TNFRSF10D: variants seen among roughly 807,000 people sequenced by gnomAD.
TNFRSF10D encodes tumor necrosis factor receptor superfamily member 10D.
In TNFRSF10D, 28 loss-of-function variants were observed where a neutral mutation model predicts 42.1. That is an observed-to-expected ratio of 0.66 (90% CI 0.49 to 0.91). The LOEUF is 0.91. TNFRSF10D is among the 40% of genes least tolerant of loss of function. TNFRSF10D has a pLI of 0.00. For missense variants in TNFRSF10D, 503 were observed against 486.1 expected, an observed-to-expected ratio of 1.03 and a Z score of -0.33; for synonymous variants, 186 against 189.4, an observed-to-expected ratio of 0.98 and a Z score of 0.15.
In TNFRSF10D at chr8:23,137,924, G is replaced by C; in HGVS notation, c.1107C>G (p.Ser369=). ...CATCTTCTTCATAAAAGAGCTTTTC[G>C]GAGCCCACCAGTTGGTCCTGAATTG... ...KETIQDQLVG[S]EKLFYEEDEA... The change falls in exon 9 of 9, where the codon TCC becomes TCG. Residue 369 remains serine (S), a synonymous_variant. Coordinates refer to ENST00000312584, the MANE Select transcript of TNFRSF10D (RefSeq NM_003840.5). The C allele has an allele frequency of 6.2e-7, 1 of 1,614,148 alleles. No homozygotes were observed. The highest frequency in any genetic ancestry group is 8.5e-7 in the Non-Finnish European group (1 of 1,180,034).
intron 7 of TNFRSF10D, among the ~76,000 whole-genome samples, chr8:23,139,377 C>T (rs186997984): frequency 1.2e-4 from 18 of 152,182 alleles, no homozygotes; most frequent in East Asian, 3.9e-4. Context: ...ATTGATAAAA[C>T]GGCAACTGAG....
intron 1 of TNFRSF10D, among the ~76,000 whole-genome samples, chr8:23,158,749 T>C (rs1238630902): frequency 6.6e-6 from 1 of 152,236 alleles, no homozygotes; most frequent in Non-Finnish European, 1.5e-5. Context: ...CTATAGGGAA[T>C]ACAGTATACA....
In TNFRSF10D at chr8:23,136,011, C is replaced by T. The variant is rs1455123627; in HGVS notation, c.*1859G>A. The T allele has an allele frequency of 4.7e-6, 2 of 428,306 alleles. No individual in the cohort carries two copies. The highest frequency in any genetic ancestry group is 9.3e-6 in the Non-Finnish European group (2 of 214,592). The allele number at this position is 428,306 out of a possible 1,614,324, so 26.5% of individuals were successfully genotyped here. A position where few individuals can be genotyped will look rare whatever the true frequency, so the allele number is the denominator to read the frequency against. ...AGTGCGAAGACCGGAAAGGCCATCC[C>T]CTCCTAAAACTCCATGGACACAACA... On this transcript the variant is annotated 3_prime_UTR_variant, in exon 9 of 9. Coordinates refer to ENST00000312584, the MANE Select transcript of TNFRSF10D (RefSeq NM_003840.5).
At position 23,136,682 on chromosome 8, in the gene TNFRSF10D, A is replaced by G. The variant is rs1310794143; in HGVS notation, c.*1188T>C. On this transcript the variant is annotated 3_prime_UTR_variant, in exon 9 of 9. Transcript: ENST00000312584. ...TCCTCATCTGCTGTGGACAAGTCGG[A>G]AGATGCAGTCCCATGACTGTCCCAG... 2 of 152,240 alleles carry G rather than the reference A, an allele frequency of 1.3e-5. No individual in the cohort carries two copies. Among genetic ancestry groups the G allele is most frequent in the Admixed American group, 6.5e-5 (1 of 15,272 alleles). The allele number at this position is 152,240 out of a possible 1,614,324, so 9.4% of individuals were successfully genotyped here.
At chr8:23,156,075 C>T (rs1288995867) in intron 1 of TNFRSF10D, among the ~76,000 whole-genome samples, 5 of 152,008 alleles carry the variant, frequency 3.3e-5, no homozygotes, top group Non-Finnish European at 5.9e-5. Context: ...ACTGGAGAAT[C>T]GGAATAGAGT....
chr8:23,149,562 A>C (rs1563358936), intron 2 of TNFRSF10D, among the ~76,000 whole-genome samples: 1 of 150,792 alleles, frequency 6.6e-6, no homozygotes, highest in Admixed American at 6.6e-5. Context: ...TTTTTTTTTA[A>C]CAATAAAATA....
At chr8:23,161,089 C>T (rs1165514080) in intron 1 of TNFRSF10D, among the ~76,000 whole-genome samples, 1 of 152,254 alleles carries the variant, frequency 6.6e-6, no homozygotes, top group East Asian at 1.9e-4. Flanking sequence ...GGATCCAGTC[C>T]GGAGTGACTG....
Position 23,136,301 on chromosome 8 carries a change from AAG to A in TNFRSF10D, c.*1567_*1568del. On this transcript the variant is annotated 3_prime_UTR_variant, in exon 9 of 9. Transcript: ENST00000312584. The stretch of plus-strand genomic sequence containing the variant: ...TTTAGATCCTGTTGTCACAGTGTTT[AAG>A]AATTGATATCTCTGAGATGAGTCAG... 1 of 230,602 alleles carries A rather than the reference AAG, an allele frequency of 4.3e-6. No individual in the cohort carries two copies. Among genetic ancestry groups the A allele is most frequent in the Admixed American group, 5.2e-5 (1 of 19,112 alleles). 14.3% of individuals were successfully genotyped at this position (230,602 alleles called of 1,614,324 possible).
rs867990441 is a variant in TNFRSF10D at position 23,163,826 on chromosome 8, A to T, written c.110T>A (p.Ile37Asn). 4.7e-5 allele frequency: 75 copies of T among 1,608,496 alleles called. No individual in the cohort carries two copies. The highest frequency in any genetic ancestry group is 6.4e-5 in the Non-Finnish European group (75 of 1,178,436). The change falls in exon 1 of 9, where the codon ATC becomes AAC. Residue 37 changes from isoleucine (I) to asparagine (N), a missense_variant. Coordinates refer to ENST00000312584, the MANE Select transcript of TNFRSF10D (RefSeq NM_003840.5). The part of the protein sequence containing the change: ...GTRPWLLDPK[I>N]LKFVVFIVAV... Reference sequence around the variant, plus strand: ...GACGATGAAGACGACGAACTTAAGGATCTTGGGGTCCAGGAGCCATGGTCT... The same window carrying T: ...GACGATGAAGACGACGAACTTAAGGTTCTTGGGGTCCAGGAGCCATGGTCT...
intron 1 of TNFRSF10D, among the ~76,000 whole-genome samples, chr8:23,163,310 C>T (rs1173014456): frequency 1.3e-5 from 2 of 152,074 alleles, no homozygotes; most frequent in Non-Finnish European, 2.9e-5. Context: ...ACCATGGTGG[C>T]TAGGCTGGTC....
intron 2 of TNFRSF10D, among the ~76,000 whole-genome samples, chr8:23,150,902 C>T (rs1402604745): frequency 1.3e-5 from 2 of 151,770 alleles, no homozygotes; most frequent in East Asian, 3.9e-4. Context: ...GGAAGAAAGC[C>T]AACAGTACCA....
chr8:23,157,546 T>C (rs1158756608), intron 1 of TNFRSF10D, among the ~76,000 whole-genome samples: 1 of 152,230 alleles, frequency 6.6e-6, no homozygotes, highest in African/African-American at 2.4e-5. Flanking sequence ...GCTCTTTAAA[T>C]GTCAGTTAAG....
Position 23,147,041 on chromosome 8 carries a change from G to A in TNFRSF10D, c.402C>T (p.Thr134=), listed in dbSNP as rs767411312. 3.7e-6 allele frequency: 6 copies of A among 1,613,934 alleles called. No individual in the cohort carries two copies. The highest frequency in any genetic ancestry group is 5.1e-6 in the Non-Finnish European group (6 of 1,180,018). Residue 134 remains threonine (T), a synonymous_variant, in exon 4 of 9, where the codon ACC becomes ACT. Transcript: ENST00000312584. ...GQTNKSSCTT[T]RDTVCQCEKG... ...TTTCACACTGACACACGGTGTCTCTGGTCGTGGTACAGGAACTTTTATTTG... is the reference window on the plus strand; with the variant it reads ...TTTCACACTGACACACGGTGTCTCTAGTCGTGGTACAGGAACTTTTATTTG...
chr8:23,163,228 G>C (rs1357994550), intron 1 of TNFRSF10D, among the ~76,000 whole-genome samples: 1 of 149,990 alleles, frequency 6.7e-6, no homozygotes, highest in African/African-American at 2.5e-5. Flanking sequence ...TCAGCCTCCC[G>C]AGTAGCTGGG....
In TNFRSF10D at chr8:23,146,997, T is replaced by C; in HGVS notation, c.446A>G (p.Lys149Arg). 6.2e-7 allele frequency: 1 copy of C among 1,614,206 alleles called. No homozygotes were observed. The highest frequency in any genetic ancestry group is 1.7e-5 in the Admixed American group (1 of 60,026). Reference protein sequence around the residue: ...CQCEKGSFQDKNSPEMCRTCR... With the variant: ...CQCEKGSFQDRNSPEMCRTCR... The stretch of plus-strand genomic sequence containing the variant: ...CGTCCGGCACATCTCAGGGGAGTTT[T>C]TATCCTGGAAGCTTCCTTTTTCACA... Residue 149 changes from lysine to arginine, a missense_variant, in exon 4 of 9, where the codon AAA (lysine) becomes AGA (arginine). Physicochemically the swap from Lys to Arg is conservative, Grantham distance 26 (BLOSUM62 2). Transcript: ENST00000312584.
chr8:23,162,852 A>C (rs4872068), intron 1 of TNFRSF10D, among the ~76,000 whole-genome samples: 25,836 of 151,406 alleles, frequency 0.17, 2,888 homozygotes, highest in East Asian at 0.58. Flanking sequence ...GCTTTTTCAC[A>C]GGCTGTTTGT....
In TNFRSF10D at chr8:23,135,880, C is replaced by A. The variant is rs1033379095; in HGVS notation, c.*1990G>T. The A allele has an allele frequency of 4.4e-6, 2 of 451,886 alleles. No homozygotes were observed. The highest frequency in any genetic ancestry group is 2.0e-5 in the African/African-American group (1 of 49,950). The allele number at this position is 451,886 out of a possible 1,614,324, so 28.0% of individuals were successfully genotyped here. ...GAGCTTTGAGACCAAGTCTCCTGCA[C>A]AGAAGGCCCAGCAAAGGCAAAGACT... On this transcript the variant is annotated 3_prime_UTR_variant, in exon 9 of 9. Coordinates refer to ENST00000312584, the MANE Select transcript of TNFRSF10D (RefSeq NM_003840.5).
rs963221721 is a variant in TNFRSF10D, at chr8:23,145,236, A to C, written c.737-147T>G. 10 of 942,302 alleles carry C rather than the reference A, an allele frequency of 1.1e-5. 1 individual carries two copies. In the African/African-American group the frequency reaches 1.3e-4, roughly 13 times the overall value. The allele number at this position is 942,302 out of a possible 1,614,324, so 58.4% of individuals were successfully genotyped here. On this transcript the variant is annotated intron_variant, in intron 5 of 8. Coordinates refer to ENST00000312584, the MANE Select transcript of TNFRSF10D (RefSeq NM_003840.5). ...GGGGACAGAATGGGGCCTTGCAATT[A>C]GGGGACACCCTGAGGAAGGGGGATG...
intron 1 of TNFRSF10D, among the ~76,000 whole-genome samples, chr8:23,161,051 T>C (rs1800360519): frequency 6.6e-6 from 1 of 152,248 alleles, no homozygotes. Context: ...AGGTGCAGCC[T>C]CTGCTGGGTG....
Sources: allele counts gnomAD v4.1 joint callset (sites outside exome capture counted in the v4.1 genomes callset), GRCh38; gene constraint gnomAD v4.1.1; transcripts MANE v1.5; gene names NCBI Gene and HGNC (gene_info 2026-07-23, HGNC 2026-07-21).